Variants in PAK2 observed in about 807,000 individuals in gnomAD.
PAK2 encodes the protein serine/threonine-protein kinase PAK 2.
A neutral mutation model predicts 65.9 loss-of-function variants in PAK2; 21 were observed. The ratio of observed to expected loss-of-function variants is 0.32; its 90% CI spans 0.23 to 0.46. The LOEUF (loss-of-function observed/expected upper bound fraction) is 0.46. Among genes scored for constraint, PAK2 ranks in the 20% least tolerant of loss-of-function variants. PAK2 has a pLI of 1.00. For missense variants in PAK2, 324 were observed against 642.6 expected (o/e 0.50, Z 5.36); for synonymous variants, 204 against 219.7 (o/e 0.93, Z 0.63).
chr3:196,747,737 C>G (rs908200689), intron 1 of PAK2, among the ~76,000 whole-genome samples: 1 of 152,042 alleles, frequency 6.6e-6, no homozygotes, highest in Non-Finnish European at 1.5e-5. Flanking sequence ...ATAGTTCTTA[C>G]TAAATATAGG....
intron 1 of PAK2, among the ~76,000 whole-genome samples, chr3:196,744,111 G>A (rs961641988): frequency 2.0e-5 from 3 of 152,128 alleles, no homozygotes; most frequent in African/African-American, 7.2e-5. Context: ...GGCAGTGGCT[G>A]GTGGTGCCTG....
rs60929724 is a variant in PAK2, at chr3:196,766,931, C to CGTGTGTGTGTGT, written c.-21-15662_-21-15651dup. The stretch of plus-strand genomic sequence containing the variant: ...AAAAAAAATAGAAACAAGTACACCC[C>CGTGTGTGTGTGT]GTGTGTGTGTGTGTGTGTGTGTGTG... On this transcript the variant is annotated intron_variant, in intron 1 of 14. Transcript: ENST00000327134. Among the ~76,000 whole-genome samples, 287 of 134,402 alleles carry CGTGTGTGTGTGT rather than the reference C, an allele frequency of 2.1e-3. 3 individuals are homozygous for CGTGTGTGTGTGT. The highest frequency in any genetic ancestry group is 4.1e-3 in the African/African-American group (152 of 36,744). 88.2% of individuals were successfully genotyped at this position (134,402 alleles called of 152,430 possible). A position where few individuals can be genotyped will look rare whatever the true frequency, so the allele number is the denominator to read the frequency against.
At chr3:196,765,968 C>G (rs966703098) in intron 1 of PAK2, among the ~76,000 whole-genome samples, 1 of 150,712 alleles carries the variant, frequency 6.6e-6, no homozygotes, top group South Asian at 2.1e-4. Flanking sequence ...GGCATGATCT[C>G]GGCTCACTGC....
At chr3:196,816,764 A>G (rs1441143506) in intron 11 of PAK2, among the ~76,000 whole-genome samples, 1 of 152,212 alleles carries the variant, frequency 6.6e-6, no homozygotes, top group Non-Finnish European at 1.5e-5. Flanking sequence ...CCGTAGTTCA[A>G]AAACACAAGA....
intron 10 of PAK2, among the ~76,000 whole-genome samples, chr3:196,814,042 C>G (rs1414017661): frequency 6.6e-6 from 1 of 152,124 alleles, no homozygotes; most frequent in Non-Finnish European, 1.5e-5. Context: ...TAAGATAAGC[C>G]AGGGGCTTCG....
intron 14 of PAK2, 114 bp downstream of exon 14, chr3:196,827,447 G>C (rs1019997149): frequency 1.7e-5 from 26 of 1,504,106 alleles, no homozygotes; most frequent in African/African-American, 2.8e-5. Flanking sequence ...CCAGCGGTAT[G>C]GCAGCTGCTG....
chr3:196,785,806 A>G (rs2340563), intron 2 of PAK2, among the ~76,000 whole-genome samples: 20,705 of 152,122 alleles, frequency 0.14, 1,719 homozygotes, highest in East Asian at 0.43. Flanking sequence ...ACAGCAGGCA[A>G]CGAGAGAGAG....
chr3:196,799,759 ATTC>A, intron 2 of PAK2, among the ~76,000 whole-genome samples: 1 of 152,078 alleles, frequency 6.6e-6, no homozygotes, highest in East Asian at 1.9e-4. Flanking sequence ...GGTTCAAGCA[ATTC>A]TTGTGCCGCT....
chr3:196,803,188 A>T, intron 4 of PAK2, 24 bp downstream of exon 4: 1 of 1,557,398 alleles, frequency 6.4e-7, no homozygotes, highest in Non-Finnish European at 8.7e-7. Context: ...ATAAGGCTGG[A>T]TCAGATGGAG....
intron 3 of PAK2, among the ~76,000 whole-genome samples, chr3:196,802,339 T>C (rs1258863065): frequency 6.6e-6 from 1 of 152,130 alleles, no homozygotes; most frequent in Non-Finnish European, 1.5e-5. Context: ...AGATGGAGGT[T>C]GCAGTGAACA....
At position 196,764,906 on chromosome 3, in the gene PAK2, G is replaced by C. The variant is rs368052796; in HGVS notation, c.-21-17720G>C. On this transcript the variant is annotated intron_variant, in intron 1 of 14. Transcript: ENST00000327134. ...TGCCCAGGCTGGAGTGCAGTGGTGC[G>C]ATCTCGGCTCACTGCAAATTCCGCC... Among the ~76,000 whole-genome samples, 3 of 145,076 alleles carry C rather than the reference G, an allele frequency of 2.1e-5. No homozygotes were observed. The East Asian group carries it at 6.3e-4, about 31-fold the overall frequency.
chr3:196,804,776 A>G (rs1164779161), intron 4 of PAK2, among the ~76,000 whole-genome samples: 2 of 150,996 alleles, frequency 1.3e-5, no homozygotes, highest in Non-Finnish European at 2.9e-5. Flanking sequence ...GCCTGTGCGT[A>G]TGTAATATGT....
At chr3:196,746,577 C>T (rs545735459) in intron 1 of PAK2, among the ~76,000 whole-genome samples, 37 of 152,030 alleles carry the variant, frequency 2.4e-4, no homozygotes, top group Non-Finnish European at 3.5e-4. Flanking sequence ...TTTGGGAGGC[C>T]GAGGCAGGTG....
At position 196,820,365 on chromosome 3, in the gene PAK2, T is replaced by C. The variant is rs748627023; in HGVS notation, c.1154-6T>C. ...GCCATTAACTCTGTTTTGTTTTGTT[T>C]TGTAGCTGACTTTGGTTTCTGTGCC... On this transcript the variant is annotated splice_polypyrimidine_tract_variant and splice_region_variant and intron_variant, in intron 12 of 14. Coordinates refer to ENST00000327134, the MANE Select transcript of PAK2 (RefSeq NM_002577.4). The surrounding 1 kb of genome is among the most constrained non-coding windows in gnomAD (Gnocchi z 4.6). 6.4e-7 allele frequency: 1 copy of C among 1,559,452 alleles called. No homozygotes were observed. The highest frequency in any genetic ancestry group is 8.7e-7 in the Non-Finnish European group (1 of 1,148,842).
intron 1 of PAK2, among the ~76,000 whole-genome samples, chr3:196,752,185 A>G (rs1713626352): frequency 6.6e-6 from 1 of 152,208 alleles, no homozygotes; most frequent in South Asian, 2.1e-4. Flanking sequence ...AACCTGTAGT[A>G]CTTAATTCCT....
chr3:196,793,211 T>G (rs1308768370), intron 2 of PAK2, among the ~76,000 whole-genome samples: 1 of 152,224 alleles, frequency 6.6e-6, no homozygotes, highest in Non-Finnish European at 1.5e-5. Context: ...GGGATTTACA[T>G]TTATTTCCAG....
At chr3:196,826,540 A>G (rs944578691) in intron 13 of PAK2, among the ~76,000 whole-genome samples, 7 of 151,442 alleles carry the variant, frequency 4.6e-5, no homozygotes, top group African/African-American at 1.7e-4. Flanking sequence ...AATGATATGT[A>G]TGACTTGAAA....
intron 1 of PAK2, among the ~76,000 whole-genome samples, chr3:196,746,562 A>G (rs1713387555): frequency 6.6e-6 from 1 of 152,184 alleles, no homozygotes; most frequent in Non-Finnish European, 1.5e-5. Context: ...CTGTTATCCC[A>G]GCACTTTGGG....
intron 2 of PAK2, among the ~76,000 whole-genome samples, chr3:196,785,903 C>G (rs1577720735): frequency 6.6e-6 from 1 of 152,240 alleles, no homozygotes; most frequent in Admixed American, 6.5e-5. Context: ...GGGTCTCTCC[C>G]ACAACACATG....
Sources: allele counts gnomAD v4.1 joint callset (sites outside exome capture counted in the v4.1 genomes callset), GRCh38; gene constraint gnomAD v4.1.1; non-coding constraint Gnocchi (gnomAD v3.1); transcripts MANE v1.5; gene names NCBI Gene and HGNC (gene_info 2026-07-23, HGNC 2026-07-21).